Variants in PTPRK observed in about 807,000 individuals in gnomAD.
PTPRK encodes the protein protein tyrosine phosphatase receptor type K, also known as receptor-type tyrosine-protein phosphatase kappa.
Under a neutral mutation model 178.0 loss-of-function variants are expected in PTPRK, and 75 were observed. That is an observed-to-expected ratio of 0.42 (90% CI 0.35 to 0.51). The LOEUF is 0.51. Ranked by LOEUF, PTPRK falls within the 20% of genes least tolerant of loss-of-function variation. PTPRK has a pLI of 0.02. For synonymous variants in PTPRK, 637 were observed against 620.6 expected, an observed-to-expected ratio of 1.03 and a Z score of -0.39; for missense variants, 1,441 against 1,797.8, an observed-to-expected ratio of 0.80 and a Z score of 3.59.
chr6:127,980,389 G>A (rs1474180685), intron 25 of PTPRK, among the ~76,000 whole-genome samples: 1 of 152,026 alleles, frequency 6.6e-6, no homozygotes, highest in Non-Finnish European at 1.5e-5. Flanking sequence ...TTACTCAAGA[G>A]TCTGAGGCAG....
chr6:128,157,429 C>T (rs1301113161), intron 7 of PTPRK, among the ~76,000 whole-genome samples: 1 of 151,768 alleles, frequency 6.6e-6, no homozygotes, highest in Non-Finnish European at 1.5e-5. Context: ...CTAAATAAAC[C>T]ACAAACCTAT....
chr6:128,263,825 T>C (rs1818535266), intron 3 of PTPRK, among the ~76,000 whole-genome samples: 1 of 152,162 alleles, frequency 6.6e-6, no homozygotes, highest in Non-Finnish European at 1.5e-5. Context: ...GAGGTTTTCC[T>C]GTCTTCACAT....
chr6:128,079,100 A>C (rs1784358140), intron 10 of PTPRK, among the ~76,000 whole-genome samples, 182 bp from the exon 11 acceptor site: 1 of 152,110 alleles, frequency 6.6e-6, no homozygotes. Context: ...AAATATCAAA[A>C]GCTAGAAAAC....
rs980137898 is a variant in PTPRK, at chr6:127,985,621, C to T, written c.3251+100G>A. 10 of 1,317,372 alleles carry T rather than the reference C, an allele frequency of 7.6e-6. No homozygotes were observed. The Admixed American group carries it at 2.3e-4, about 30-fold the overall frequency. 81.6% of individuals were successfully genotyped at this position (1,317,372 alleles called of 1,614,324 possible). On this transcript the variant is annotated intron_variant, in intron 22 of 29. Transcript: ENST00000368226. ...TATCTATAATACAAGCAAGCTGGAA[C>T]TTCGTAAGCACACATTAGTTTTTGT... is the stretch of plus-strand genomic sequence containing the variant.
At position 128,519,160 on chromosome 6, in the gene PTPRK, A is replaced by G. The variant is rs1003536167; in HGVS notation, c.100+1099T>C. 8 of 485,950 alleles carry G rather than the reference A, an allele frequency of 1.6e-5. No individual in the cohort carries two copies. Among genetic ancestry groups the G allele is most frequent in the Non-Finnish European group, 3.0e-5 (7 of 235,772 alleles). 30.1% of individuals were successfully genotyped at this position (485,950 alleles called of 1,614,324 possible). A position where few individuals can be genotyped will look rare whatever the true frequency, so the allele number is the denominator to read the frequency against. ...AGCGAAGCTGGGTAGGTTGGCCAGA[A>G]AAGTTGTCAGGACTGGCGGGAGGTA... On this transcript the variant is annotated intron_variant, in intron 1 of 29. Transcript: ENST00000368226. The surrounding 1 kb of genome is among the most constrained non-coding windows in gnomAD (Gnocchi z 4.3).
At chr6:128,311,085 A>G (rs536518505) in intron 3 of PTPRK, among the ~76,000 whole-genome samples, 30 of 152,294 alleles carry the variant, frequency 2.0e-4, no homozygotes, top group African/African-American at 7.2e-4. Flanking sequence ...ATTTGAATAG[A>G]CTTTTAAAAA....
In PTPRK at chr6:128,293,122, C is replaced by T. The variant is rs114360698; in HGVS notation, c.495+28917G>A. Among the ~76,000 whole-genome samples the T allele has an allele frequency of 3.1e-3, 476 of 152,056 alleles. 2 individuals are homozygous for T. Among genetic ancestry groups the T allele is most frequent in the African/African-American group, 0.011 (451 of 41,494 alleles). On this transcript the variant is annotated intron_variant, in intron 3 of 29. Transcript: ENST00000368226. ...ATTATGAAAGTCAAAGTATATAATG[C>T]AATAAATATATCAGTATAGAATAAG...
chr6:128,114,384 G>C (rs1470281637), intron 7 of PTPRK, among the ~76,000 whole-genome samples: 1 of 151,886 alleles, frequency 6.6e-6, no homozygotes, highest in Non-Finnish European at 1.5e-5. Context: ...TTCAGAGGCG[G>C]AGGTGGGCGG....
intron 3 of PTPRK, among the ~76,000 whole-genome samples, chr6:128,265,802 A>T (rs1440651303): frequency 2.0e-5 from 3 of 152,160 alleles, no homozygotes; most frequent in Non-Finnish European, 4.4e-5. Context: ...GTCATGGTCC[A>T]ATATCTGTTT....
At chr6:128,362,055 AG>A (rs1418203396) in intron 2 of PTPRK, among the ~76,000 whole-genome samples, 1 of 152,200 alleles carries the variant, frequency 6.6e-6, no homozygotes, top group Non-Finnish European at 1.5e-5. Flanking sequence ...ATTACTATAA[AG>A]AAATACCTGA....
intron 2 of PTPRK, among the ~76,000 whole-genome samples, chr6:128,371,840 C>A (rs1836338882): frequency 1.3e-5 from 2 of 151,414 alleles, no homozygotes; most frequent in African/African-American, 4.9e-5. Context: ...CGTGCCACTG[C>A]ACCCCAGCCC....
intron 13 of PTPRK, among the ~76,000 whole-genome samples, chr6:128,022,350 T>G (rs1483340777): frequency 6.6e-6 from 1 of 152,138 alleles, no homozygotes; most frequent in Non-Finnish European, 1.5e-5. Context: ...GGTGCTTGTT[T>G]TGTCTTTTTG....
At chr6:128,355,371 G>T (rs1393435712) in intron 2 of PTPRK, among the ~76,000 whole-genome samples, 1 of 152,114 alleles carries the variant, frequency 6.6e-6, no homozygotes, top group Non-Finnish European at 1.5e-5. Flanking sequence ...CTTAAGATTT[G>T]ACATTAAGTC....
chr6:128,299,128 A>C (rs1164136003), intron 3 of PTPRK, among the ~76,000 whole-genome samples: 1 of 152,186 alleles, frequency 6.6e-6, no homozygotes, highest in East Asian at 1.9e-4. Flanking sequence ...CAATTGCTTC[A>C]AAGAGAATAA....
At chr6:128,235,816 T>C (rs61111040) in intron 5 of PTPRK, among the ~76,000 whole-genome samples, 9,582 of 151,946 alleles carry the variant, frequency 0.063, 774 homozygotes, top group African/African-American at 0.19. Flanking sequence ...AGAAGGACAA[T>C]AGTAGCCTAA....
In PTPRK at chr6:128,510,615, A is replaced by T. The variant is rs563349082; in HGVS notation, c.100+9644T>A. On this transcript the variant is annotated intron_variant, in intron 1 of 29. Transcript: ENST00000368226. Reference sequence around the variant, plus strand: ...CTATTAAAAATAAATAAATGCATACATGCAAACACCTATACATGCATACAT... The same window carrying T: ...CTATTAAAAATAAATAAATGCATACTTGCAAACACCTATACATGCATACAT... 1.8e-3 allele frequency among the ~76,000 whole-genome samples: 281 copies of T among 152,314 alleles called. 3 individuals carry two copies. Among genetic ancestry groups the T allele is most frequent in the African/African-American group, 6.4e-3 (267 of 41,580 alleles).
intron 7 of PTPRK, among the ~76,000 whole-genome samples, chr6:128,121,762 G>T (rs900451310): frequency 9.3e-5 from 14 of 151,036 alleles, no homozygotes; most frequent in Admixed American, 3.3e-4. Flanking sequence ...AATGTGCGGG[G>T]TTTTTTTTTC....
At chr6:128,396,997 C>CA (rs1840398223) in intron 2 of PTPRK, among the ~76,000 whole-genome samples, 1 of 151,988 alleles carries the variant, frequency 6.6e-6, no homozygotes, top group Admixed American at 6.6e-5. Flanking sequence ...GACTCCATAT[C>CA]AAAAAACAAC....
intron 18 of PTPRK, 190 bp downstream of exon 18, chr6:127,995,272 G>A (rs1562400201): frequency 6.2e-7 from 1 of 1,606,824 alleles, no homozygotes; most frequent in Admixed American, 1.7e-5. Context: ...CAAATCTACA[G>A]CCCAAACCAA....
Sources: allele counts gnomAD v4.1 joint callset (sites outside exome capture counted in the v4.1 genomes callset), GRCh38; gene constraint gnomAD v4.1.1; non-coding constraint Gnocchi (gnomAD v3.1); transcripts MANE v1.5; gene names NCBI Gene and HGNC (gene_info 2026-07-23, HGNC 2026-07-21).